Variants in SIPA1L1 observed in about 807,000 individuals in gnomAD.
SIPA1L1 encodes the protein signal induced proliferation associated 1 like 1, also known as signal-induced proliferation-associated 1-like protein 1.
In SIPA1L1, 26 loss-of-function variants were observed where a neutral mutation model predicts 162.7. That is an observed-to-expected ratio of 0.16 (90% confidence interval 0.12 to 0.22). The LOEUF is 0.22. Ranked by LOEUF, SIPA1L1 falls within the 10% of genes least tolerant of loss-of-function variation. The pLI, the probability that SIPA1L1 is intolerant of heterozygous loss-of-function variation, is 1.00. For synonymous variants in SIPA1L1, 829 were observed against 837.4 expected (o/e 0.99, Z 0.17); for missense variants, 1,874 against 2,241.0 (o/e 0.84, Z 3.31).
chr14:71,529,576 T>G (rs1213034170), intron 4 of SIPA1L1, among the ~76,000 whole-genome samples: 2 of 152,266 alleles, frequency 1.3e-5, no homozygotes, highest in Non-Finnish European at 2.9e-5. Flanking sequence ...TTATTTCGTA[T>G]TCTGATACAG....
chr14:71,391,332 C>G (rs1298756731), intron 2 of SIPA1L1, among the ~76,000 whole-genome samples: 1 of 152,128 alleles, frequency 6.6e-6, no homozygotes, highest in Non-Finnish European at 1.5e-5. Context: ...GTCTCGATCT[C>G]TTGACCTCGT....
chr14:71,678,867 G>C (rs530881391), intron 12 of SIPA1L1, among the ~76,000 whole-genome samples: 2 of 151,822 alleles, frequency 1.3e-5, no homozygotes, highest in Non-Finnish European at 2.9e-5. Flanking sequence ...TTAGTCTTGG[G>C]AGAAGAGAAG....
intron 5 of SIPA1L1, among the ~76,000 whole-genome samples, chr14:71,596,123 G>A (rs1375089472): frequency 6.6e-6 from 1 of 152,190 alleles, no homozygotes; most frequent in African/African-American, 2.4e-5. Flanking sequence ...TAATTTCGCA[G>A]AGAAAGGCTT....
Position 71,702,449 on chromosome 14 carries a change from G to A in SIPA1L1, c.3590G>A (p.Ser1197Asn), listed in dbSNP as rs1488178062. Residue 1197 changes from serine (S) to asparagine (N), a missense_variant, in exon 15 of 24, where the codon AGC becomes AAC. Physicochemically the swap from Ser to Asn is conservative, Grantham distance 46 (BLOSUM62 1). Around this residue, in one of 5 missense-constraint regions of SIPA1L1, gnomAD observed 936 missense variants for 1,051.9 expected, o/e 0.89. Coordinates refer to ENST00000381232, the MANE Select transcript of SIPA1L1 (RefSeq NM_001386936.1). Reference sequence around the variant, plus strand: ...AACACCCAGTCAGATATTGGTGGCAGCGGAAAATCCACGCCTAGCTGGCAA... The same window carrying A: ...AACACCCAGTCAGATATTGGTGGCAACGGAAAATCCACGCCTAGCTGGCAA... ...RQNTQSDIGG[S>N]GKSTPSWQRS... 2.5e-6 allele frequency: 4 copies of A among 1,614,194 alleles called. No homozygotes were observed. The highest frequency in any genetic ancestry group is 3.4e-6 in the Non-Finnish European group (4 of 1,179,988).
At chr14:71,337,166 A>G (rs185327414) in intron 2 of SIPA1L1, among the ~76,000 whole-genome samples, 1 of 152,230 alleles carries the variant, frequency 6.6e-6, no homozygotes, top group Admixed American at 6.5e-5. Flanking sequence ...TGGTCTCTCC[A>G]TTTTTGGCCT....
At chr14:71,655,651 A>G (rs1231009096) in intron 8 of SIPA1L1, among the ~76,000 whole-genome samples, 1 of 152,166 alleles carries the variant, frequency 6.6e-6, no homozygotes. Context: ...TGACTTTTGA[A>G]TGATAGCCAT....
At chr14:71,733,560 C>T in intron 20 of SIPA1L1, 106 bp from the exon 21 acceptor site, 3 of 1,144,908 alleles carry the variant, frequency 2.6e-6, no homozygotes, top group South Asian at 2.9e-5. Flanking sequence ...ACATTGATAA[C>T]AGTCACAAAT....
chr14:71,361,400 C>T (rs1235471793), intron 2 of SIPA1L1, among the ~76,000 whole-genome samples: 1 of 152,084 alleles, frequency 6.6e-6, no homozygotes, highest in Non-Finnish European at 1.5e-5. Context: ...TTAGTGCTTC[C>T]ATACATATAC....
In SIPA1L1 at chr14:71,710,803, G is replaced by A. The variant is rs2082817708; in HGVS notation, c.4208+1139G>A. On this transcript the variant is annotated intron_variant, in intron 17 of 23. Coordinates refer to ENST00000381232, the MANE Select transcript of SIPA1L1 (RefSeq NM_001386936.1). ...AGCCTGGGCAACAGAGTGAGATTCT[G>A]TCTCAAAAAAAAAAAAAAAAAAGAA... Among the ~76,000 whole-genome samples the A allele has an allele frequency of 3.2e-5, 4 of 123,210 alleles. No individual in the cohort carries two copies. The Admixed American group carries it at 3.6e-4, about 11-fold the overall frequency. The allele number at this position is 123,210 out of a possible 152,430, so 80.8% of individuals were successfully genotyped here. A position where few individuals can be genotyped will look rare whatever the true frequency, so the allele number is the denominator to read the frequency against.
chr14:71,338,168 C>G (rs183494494), intron 2 of SIPA1L1, among the ~76,000 whole-genome samples: 70 of 152,244 alleles, frequency 4.6e-4, no homozygotes, highest in Admixed American at 1.3e-3. Context: ...CTGATTTCTC[C>G]CTTCTCTGAC....
Position 71,739,097 on chromosome 14 carries a change from A to G in SIPA1L1, c.5288A>G (p.Gln1763Arg). The G allele has an allele frequency of 3.1e-6, 5 of 1,614,126 alleles. No homozygotes were observed. The highest frequency in any genetic ancestry group is 4.2e-6 in the Non-Finnish European group (5 of 1,179,978). Residue 1763 changes from glutamine to arginine, a missense_variant, in exon 24 of 24, where the codon CAG becomes CGG. Coordinates refer to ENST00000381232, the MANE Select transcript of SIPA1L1 (RefSeq NM_001386936.1). ...AACCTGAGGCTACAGGAGGAGTCCCAGAACGCCTCGGACAAGCTGAAGAAG... is the reference window on the plus strand; with the variant it reads ...AACCTGAGGCTACAGGAGGAGTCCCGGAACGCCTCGGACAAGCTGAAGAAG... The part of the protein sequence containing the change: ...EDNLRLQEES[Q>R]NASDKLKKFT...
At chr14:71,415,789 C>T (rs1442986840) in intron 2 of SIPA1L1, among the ~76,000 whole-genome samples, 2 of 152,092 alleles carry the variant, frequency 1.3e-5, no homozygotes, top group Non-Finnish European at 2.9e-5. Context: ...CCTCTAACTC[C>T]CAGGTTCAAG....
At position 71,699,046 on chromosome 14, in the gene SIPA1L1, G is replaced by C. The variant is rs200964349; in HGVS notation, c.3440G>C (p.Arg1147Pro). 1.2e-6 allele frequency: 2 copies of C among 1,614,110 alleles called. No homozygotes were observed. The highest frequency in any genetic ancestry group is 1.7e-6 in the Non-Finnish European group (2 of 1,179,992). ...SSMALARSQC[R>P]NSPSNLSSSS... ...ATGGCTTTAGCAAGATCCCAGTGTC[G>C]GAACTCTCCTAGCAACTTGTCTTCA... The change falls in exon 14 of 24, where the codon CGG (arginine) becomes CCG (proline). Residue 1147 changes from arginine (R) to proline (P), a missense_variant. Arg to Pro is a moderately radical substitution (Grantham distance 103). This residue lies in a region of SIPA1L1 where 936 missense variants were observed against 1,051.9 expected (regional missense o/e 0.89). Transcript: ENST00000381232.
At chr14:71,344,658 C>T (rs2035977063) in intron 2 of SIPA1L1, among the ~76,000 whole-genome samples, 1 of 152,190 alleles carries the variant, frequency 6.6e-6, no homozygotes, top group African/African-American at 2.4e-5. Flanking sequence ...CTCCTGGGCT[C>T]AAGTGATCCT....
chr14:71,428,426 T>G (rs2043744280), intron 2 of SIPA1L1, among the ~76,000 whole-genome samples: 1 of 151,904 alleles, frequency 6.6e-6, no homozygotes, highest in African/African-American at 2.4e-5. Flanking sequence ...TTGTAGGCTG[T>G]CTGTGTGCTG....
intron 2 of SIPA1L1, among the ~76,000 whole-genome samples, chr14:71,328,572 T>C (rs780500278): frequency 1.3e-5 from 2 of 152,214 alleles, no homozygotes; most frequent in Non-Finnish European, 1.5e-5. Flanking sequence ...TGCAGCCAAC[T>C]GAGGATTGTA....
chr14:71,726,716 A>C (rs2084275727), intron 19 of SIPA1L1, among the ~76,000 whole-genome samples: 1 of 152,210 alleles, frequency 6.6e-6, no homozygotes, highest in African/African-American at 2.4e-5. Context: ...GTAAGCAGGA[A>C]CTGGGAATAG....
At chr14:71,545,243 A>C (rs2055077540) in intron 4 of SIPA1L1, among the ~76,000 whole-genome samples, 1 of 152,224 alleles carries the variant, frequency 6.6e-6, no homozygotes, top group African/African-American at 2.4e-5. Context: ...CATTAAAAAA[A>C]TAAATAAAAG....
intron 2 of SIPA1L1, among the ~76,000 whole-genome samples, chr14:71,485,048 C>T (rs960822044): frequency 6.6e-6 from 1 of 152,164 alleles, no homozygotes; most frequent in Non-Finnish European, 1.5e-5. Flanking sequence ...TAATTCGTTG[C>T]CCATGATCCT....
Sources: allele counts gnomAD v4.1 joint callset (sites outside exome capture counted in the v4.1 genomes callset), GRCh38; gene constraint gnomAD v4.1.1; regional missense constraint gnomAD v4.1.1; transcripts MANE v1.5; gene names NCBI Gene and HGNC (gene_info 2026-07-23, HGNC 2026-07-21).